PRDM11: variants seen among roughly 807,000 people sequenced by gnomAD.
PRDM11 encodes the protein PR/SET domain 11, also known as PR domain-containing protein 11.
Under a neutral mutation model 97.8 loss-of-function variants are expected in PRDM11, and 20 were observed. That is an observed-to-expected ratio of 0.20 (90% CI 0.14 to 0.30). The LOEUF (loss-of-function observed/expected upper bound fraction) is 0.30. Ranked by LOEUF, PRDM11 falls within the 10% of genes least tolerant of loss-of-function variation. The probability of loss-of-function intolerance (pLI) is 1.00; values close to 1 mark genes in which losing one functional copy is unlikely to be tolerated. For missense variants in PRDM11, 1,139 were observed against 1,555.2 expected (o/e 0.73, Z 4.50); for synonymous variants, 599 against 637.7 (o/e 0.94, Z 0.91).
upstream of PRDM11, among the ~76,000 whole-genome samples, chr11:45,095,117 C>A (rs1851871280): frequency 6.6e-6 from 1 of 152,178 alleles, no homozygotes; most frequent in African/African-American, 2.4e-5. Context: ...CAACCTGCCA[C>A]CCTGTCTGCT....
In PRDM11 at chr11:45,229,471, CACACACACACAG is replaced by C. The variant is rs1318717624; in HGVS notation, c.*1324_*1335del. 2 of 29,126 alleles carry C rather than the reference CACACACACACAG, an allele frequency of 6.9e-5. No individual in the cohort carries two copies. The highest frequency in any genetic ancestry group is 4.7e-4 in the Admixed American group (2 of 4,270). The allele number at this position is 29,126 out of a possible 1,614,324, so 1.8% of individuals were successfully genotyped here. A position where few individuals can be genotyped will look rare whatever the true frequency, so the allele number is the denominator to read the frequency against. On this transcript the variant is annotated 3_prime_UTR_variant, in exon 8 of 8. Coordinates refer to ENST00000683152, the MANE Select transcript of PRDM11 (RefSeq NM_001384648.1). ...CAAGGCATCAGCCTACACAGACACACACACACACACAGACACACACACACACACAGACACACA... is the reference window on the plus strand; with the variant it reads ...CAAGGCATCAGCCTACACAGACACACACACACACACACACACAGACACACA...
At chr11:45,221,919 T>C (rs1189740436) in intron 6 of PRDM11, among the ~76,000 whole-genome samples, 1 of 152,186 alleles carries the variant, frequency 6.6e-6, no homozygotes, top group African/African-American at 2.4e-5. Flanking sequence ...CCATTGCTGC[T>C]CTGAAAGGGA....
At chr11:45,134,700 CGAAAA>C (rs1852796213) in intron 1 of PRDM11, among the ~76,000 whole-genome samples, 1 of 12,202 alleles carries the variant, frequency 8.2e-5, no homozygotes, top group African/African-American at 6.5e-4. Flanking sequence ...CCCTGTCTCA[CGAAAA>C]AAAAAAAAAA....
intron 1 of PRDM11, among the ~76,000 whole-genome samples, chr11:45,160,710 C>T (rs1851907409): frequency 6.6e-6 from 1 of 152,208 alleles, no homozygotes; most frequent in Admixed American, 6.5e-5. Flanking sequence ...ATATCTAGAG[C>T]AGCTACTGCT....
At chr11:45,165,496 C>T (rs893723871) in intron 1 of PRDM11, among the ~76,000 whole-genome samples, 4 of 152,190 alleles carry the variant, frequency 2.6e-5, no homozygotes, top group African/African-American at 9.7e-5. Context: ...TGGTCTCTGC[C>T]ACGCAGGCCG....
chr11:45,139,161 T>C (rs992252566), intron 1 of PRDM11, among the ~76,000 whole-genome samples: 12 of 152,166 alleles, frequency 7.9e-5, no homozygotes, highest in African/African-American at 2.9e-4. Context: ...ATTAAGCAGA[T>C]TGATGGTGTT....
chr11:45,150,567 T>G (rs1470635936), intron 1 of PRDM11, among the ~76,000 whole-genome samples: 1 of 152,186 alleles, frequency 6.6e-6, no homozygotes, highest in East Asian at 1.9e-4. Context: ...GTGTTAGGCA[T>G]AGCTGGCAAA....
chr11:45,102,885 AT>A (rs1852002195), intron 1 of PRDM11, among the ~76,000 whole-genome samples: 1 of 152,196 alleles, frequency 6.6e-6, no homozygotes, highest in Non-Finnish European at 1.5e-5. Flanking sequence ...TGCCAAGCTG[AT>A]TAGTGTGAAC....
At chr11:45,161,166 G>A (rs543729559) in intron 1 of PRDM11, among the ~76,000 whole-genome samples, 4 of 152,304 alleles carry the variant, frequency 2.6e-5, no homozygotes, top group Admixed American at 6.5e-5. Context: ...GCTGAGGACC[G>A]AGTGAGCTAA....
At chr11:45,142,161 TC>T (rs1851419171), upstream of PRDM11, among the ~76,000 whole-genome samples, 1 of 152,168 alleles carries the variant, frequency 6.6e-6, no homozygotes, top group African/African-American at 2.4e-5. Context: ...CAAATCAAGT[TC>T]CGGGTCTCCC....
chr11:45,226,801 A>C lies in PRDM11; in HGVS notation c.2176A>C (p.Thr726Pro). 1 of 1,533,934 alleles carries C rather than the reference A, an allele frequency of 6.5e-7. No individual in the cohort carries two copies. Among genetic ancestry groups the C allele is most frequent in the Non-Finnish European group, 8.7e-7 (1 of 1,146,732 alleles). The change falls in exon 8 of 8, where the codon ACT (threonine) becomes CCT (proline). Residue 726 changes from threonine to proline, a missense_variant. Transcript: ENST00000683152. The part of the protein sequence containing the change: ...LGIRLQDEKP[T>P]VGLGVDGANI... The stretch of plus-strand genomic sequence containing the variant: ...CATCCGGTTGCAGGATGAAAAGCCA[A>C]CTGTTGGCTTGGGTGTAGATGGAGC...
At chr11:45,129,260 G>A (rs997751680) in intron 1 of PRDM11, among the ~76,000 whole-genome samples, 2 of 152,064 alleles carry the variant, frequency 1.3e-5, no homozygotes, top group Admixed American at 6.5e-5. Context: ...GGCTACTATC[G>A]CTACTTCTAT....
chr11:45,226,448 A>C lies in PRDM11; in HGVS notation c.1823A>C (p.Asp608Ala). ...HLALEGRPYLDFRPLAELLRK... is the reference protein window; with the variant it reads ...HLALEGRPYLAFRPLAELLRK... ...GCCTTGGAGGGCAGGCCCTACCTGG[A>C]CTTCCGGCCCCTGGCGGAGCTGCTG... is the stretch of plus-strand genomic sequence containing the variant. The change falls in exon 8 of 8, where the codon GAC (aspartate) becomes GCC (alanine). Residue 608 changes from aspartate (D) to alanine (A), a missense_variant. This residue lies in a region of PRDM11 where 710 missense variants were observed against 1,044.9 expected (regional missense o/e 0.68). Transcript: ENST00000683152. 1 of 1,533,918 alleles carries C rather than the reference A, an allele frequency of 6.5e-7. No homozygotes were observed. Among genetic ancestry groups the C allele is most frequent in the Non-Finnish European group, 8.7e-7 (1 of 1,146,724 alleles).
At position 45,219,460 on chromosome 11, in the gene PRDM11, C is replaced by A; in HGVS notation, c.555-110C>A. The A allele has an allele frequency of 9.2e-7, 1 of 1,092,118 alleles. No homozygotes were observed. The highest frequency in any genetic ancestry group is 2.6e-5 in the East Asian group (1 of 38,496). The allele number at this position is 1,092,118 out of a possible 1,614,324, so 67.7% of individuals were successfully genotyped here. On this transcript the variant is annotated intron_variant, in intron 5 of 7. Coordinates refer to ENST00000683152, the MANE Select transcript of PRDM11 (RefSeq NM_001384648.1). This position sits in a 1 kb window ranked among gnomAD's most constrained non-coding sequence, Gnocchi z 4.2. ...CTCTGCTGATGTTCACATGGGCCCA[C>A]GTGCCTGTGGACTTCTAACCATCCA...
At chr11:45,112,899 GTTGT>G (rs1852215298) in intron 1 of PRDM11, among the ~76,000 whole-genome samples, 1 of 152,158 alleles carries the variant, frequency 6.6e-6, no homozygotes, top group South Asian at 2.1e-4. Context: ...CACTCTGTGG[GTTGT>G]TTGTTTACTC....
chr11:45,184,917 G>GCT, intron 4 of PRDM11, among the ~76,000 whole-genome samples: 1 of 152,124 alleles, frequency 6.6e-6, no homozygotes, highest in South Asian at 2.1e-4. Context: ...CAAGCTTTGA[G>GCT]GGACTTTAGC....
At chr11:45,096,106 C>T (rs2077427) in intron 1 of PRDM11, among the ~76,000 whole-genome samples, 15,140 of 152,282 alleles carry the variant, frequency 0.099, 829 homozygotes, top group Middle Eastern at 0.21. Flanking sequence ...TTATAGCACA[C>T]GCTGATAGCT....
chr11:45,150,317 A>G (rs1348126618), intron 1 of PRDM11, among the ~76,000 whole-genome samples: 1 of 152,014 alleles, frequency 6.6e-6, no homozygotes, highest in East Asian at 1.9e-4. Context: ...GAGCACTCAC[A>G]TCCATAGCAA....
intron 1 of PRDM11, among the ~76,000 whole-genome samples, chr11:45,105,060 CT>C (rs1296347733): frequency 6.6e-6 from 1 of 152,196 alleles, no homozygotes; most frequent in Admixed American, 6.5e-5. Context: ...GTTCTGGGAG[CT>C]GGGAAGTCCA....
Sources: allele counts gnomAD v4.1 joint callset (sites outside exome capture counted in the v4.1 genomes callset), GRCh38; gene constraint gnomAD v4.1.1; regional missense constraint gnomAD v4.1.1; non-coding constraint Gnocchi (gnomAD v3.1); transcripts MANE v1.5; gene names NCBI Gene and HGNC (gene_info 2026-07-23, HGNC 2026-07-21).